The following CNTN3 variants were observed in gnomAD, a reference collection of about 807,000 sequenced individuals.
CNTN3 encodes contactin 3.
A neutral mutation model predicts 119.1 loss-of-function variants in CNTN3; 60 were observed. The ratio of observed to expected loss-of-function variants is 0.50; its 90% CI spans 0.41 to 0.62. The LOEUF is 0.62. Ranked by LOEUF, CNTN3 falls within the 20% of genes least tolerant of loss-of-function variation. The pLI is 0.00. For synonymous variants in CNTN3, 450 were observed against 438.7 expected (o/e 1.03, Z -0.32); for missense variants, 1,101 against 1,242.4 (o/e 0.89, Z 1.71).
At chr3:74,457,987 T>G (rs1281399963) in intron 4 of CNTN3, among the ~76,000 whole-genome samples, 1 of 152,026 alleles carries the variant, frequency 6.6e-6, no homozygotes, top group Non-Finnish European at 1.5e-5. Flanking sequence ...CAATTTATCA[T>G]GTATACTAAG....
chr3:74,340,734 G>A (rs1703513428), intron 11 of CNTN3, among the ~76,000 whole-genome samples: 1 of 152,052 alleles, frequency 6.6e-6, no homozygotes, highest in African/African-American at 2.4e-5. Context: ...AGATAGAATG[G>A]GAAGCTTCAA....
intron 4 of CNTN3, among the ~76,000 whole-genome samples, chr3:74,445,245 CTTTTT>C (rs927244666): frequency 6.6e-6 from 1 of 151,832 alleles, no homozygotes; most frequent in African/African-American, 2.4e-5. Context: ...ATTGTAACTA[CTTTTT>C]TGTTTTGATT....
At chr3:74,465,960 G>A (rs889861675) in intron 4 of CNTN3, among the ~76,000 whole-genome samples, 3 of 152,128 alleles carry the variant, frequency 2.0e-5, no homozygotes, top group Non-Finnish European at 2.9e-5. Flanking sequence ...TGAAGGCACC[G>A]TTTGAACCCC....
intron 4 of CNTN3, among the ~76,000 whole-genome samples, chr3:74,480,860 T>C (rs1453809541): frequency 2.6e-5 from 4 of 151,842 alleles, no homozygotes; most frequent in Non-Finnish European, 5.9e-5. Context: ...TTGTTAAACA[T>C]AGATACTAAA....
intron 1 of CNTN3, among the ~76,000 whole-genome samples, chr3:74,589,963 G>A (rs533825686): frequency 2.5e-5 from 3 of 119,074 alleles, no homozygotes; most frequent in Non-Finnish European, 3.6e-5. Flanking sequence ...GTTGTGGGGT[G>A]GGGGGGAGGG....
At chr3:74,304,613 G>A (rs1702523830) in intron 13 of CNTN3, among the ~76,000 whole-genome samples, 2 of 152,152 alleles carry the variant, frequency 1.3e-5, no homozygotes, top group Admixed American at 1.3e-4. Flanking sequence ...ACAATGGCTG[G>A]CTTTGTTTCT....
rs756721940 is a variant in CNTN3, at chr3:74,486,423, T to C, written c.358+33A>G. ...AAATTAAGTTACATATTTTCTAATG[T>C]TGGATTTGCTAGACATGTGAACATA... On this transcript the variant is annotated intron_variant, in intron 4 of 22. Transcript: ENST00000263665. The C allele has an allele frequency of 9.0e-6, 14 of 1,547,620 alleles. No individual in the cohort carries two copies. In the East Asian group the frequency reaches 1.9e-4, roughly 21 times the overall value.
intron 13 of CNTN3, among the ~76,000 whole-genome samples, chr3:74,315,626 A>G (rs1286882344): frequency 1.3e-5 from 2 of 152,206 alleles, no homozygotes; most frequent in South Asian, 2.1e-4. Flanking sequence ...CTAAAAATCA[A>G]TAACAGTAGC....
intron 8 of CNTN3, 29 bp downstream of exon 8, chr3:74,369,160 A>T (rs1704273646): frequency 6.6e-7 from 1 of 1,524,830 alleles, no homozygotes. Flanking sequence ...AAAAGCTAAA[A>T]CTCCAATTTG....
intron 13 of CNTN3, among the ~76,000 whole-genome samples, chr3:74,317,419 T>C (rs576664539): frequency 6.6e-6 from 1 of 152,308 alleles, no homozygotes; most frequent in East Asian, 1.9e-4. Flanking sequence ...GTTGATGCAG[T>C]TTCTTCCTAG....
chr3:74,563,642 C>T (rs1169478635), intron 1 of CNTN3, among the ~76,000 whole-genome samples: 1 of 152,046 alleles, frequency 6.6e-6, no homozygotes, highest in African/African-American at 2.4e-5. Flanking sequence ...TAGCACATGA[C>T]CTAGGCTCTG....
At chr3:74,281,646 C>T (rs1575695117) in intron 20 of CNTN3, among the ~76,000 whole-genome samples, 2 of 152,094 alleles carry the variant, frequency 1.3e-5, no homozygotes, top group African/African-American at 4.8e-5. Flanking sequence ...TCGTGCCTGG[C>T]CAGAAGTGGT....
intron 19 of CNTN3, among the ~76,000 whole-genome samples, chr3:74,292,134 T>G (rs2106796656): frequency 6.6e-6 from 1 of 152,342 alleles, no homozygotes; most frequent in South Asian, 2.1e-4. Context: ...TTGATAGCTT[T>G]TGGCATAATC....
chr3:74,540,553 T>C (rs936221933), intron 1 of CNTN3, among the ~76,000 whole-genome samples: 1 of 152,180 alleles, frequency 6.6e-6, no homozygotes, highest in African/African-American at 2.4e-5. Context: ...GTGCTTTATA[T>C]GTATTAATCT....
At chr3:74,420,236 T>G (rs758124944) in intron 5 of CNTN3, among the ~76,000 whole-genome samples, 26 of 152,232 alleles carry the variant, frequency 1.7e-4, no homozygotes, top group Non-Finnish European at 2.9e-4. Context: ...TCTCCCACCA[T>G]AAAACAATTT....
At chr3:74,472,625 GT>G (rs1702586205) in intron 4 of CNTN3, among the ~76,000 whole-genome samples, 1 of 152,166 alleles carries the variant, frequency 6.6e-6, no homozygotes, top group South Asian at 2.1e-4. Context: ...CGGAAACTTG[GT>G]TTTAAAAAGT....
Position 74,371,220 on chromosome 3 carries a change from T to A in CNTN3, c.634A>T (p.Thr212Ser), listed in dbSNP as rs1559568341. Residue 212 changes from threonine to serine, a missense_variant, in exon 6 of 23, where the codon ACT becomes TCT. Thr to Ser is a moderately conservative substitution (Grantham distance 58). Coordinates refer to ENST00000263665, the MANE Select transcript of CNTN3 (RefSeq NM_020872.3). The part of the protein sequence containing the change: ...VTNARVLGSP[T>S]PLVLRSDGVM... ...CCATCAGAACGTAGCACCAAAGGAG[T>A]TGGAGAGCCCAGCACTCGGGCATTT... 2 of 1,613,004 alleles carry A rather than the reference T, an allele frequency of 1.2e-6. No homozygotes were observed. Among genetic ancestry groups the A allele is most frequent in the Non-Finnish European group, 8.5e-7 (1 of 1,179,470 alleles).
chr3:74,295,308 AT>A, intron 18 of CNTN3, 72 bp from the exon 19 acceptor site: 1 of 779,794 alleles, frequency 1.3e-6, no homozygotes, highest in South Asian at 1.9e-5. Flanking sequence ...TAATGTTCTT[AT>A]TTTTATAAAA....
intron 1 of CNTN3, among the ~76,000 whole-genome samples, chr3:74,587,125 G>T: frequency 6.6e-6 from 1 of 151,928 alleles, no homozygotes; most frequent in South Asian, 2.1e-4. Flanking sequence ...TTTCCATGGA[G>T]GGGAAAAAAA....
Sources: allele counts gnomAD v4.1 joint callset (sites outside exome capture counted in the v4.1 genomes callset), GRCh38; gene constraint gnomAD v4.1.1; transcripts MANE v1.5; gene names NCBI Gene and HGNC (gene_info 2026-07-23, HGNC 2026-07-21).